PLEKHG4B: variants seen among roughly 807,000 people sequenced by gnomAD.
The protein encoded by PLEKHG4B is pleckstrin homology and RhoGEF domain containing G4B, also known as pleckstrin homology domain-containing family G member 4B.
PLEKHG4B carries 111 observed loss-of-function variants against 121.3 expected under a neutral mutation model. The ratio of observed to expected loss-of-function variants is 0.92; its 90% confidence interval spans 0.78 to 1.07. PLEKHG4B has a LOEUF of 1.07. Ranked by LOEUF, PLEKHG4B falls within the 50% of genes least tolerant of loss-of-function variation. PLEKHG4B has a pLI of 0.00. For missense variants in PLEKHG4B, 1,831 were observed against 1,757.8 expected, an observed-to-expected ratio of 1.04 and a Z score of -0.74; for synonymous variants, 738 against 725.0, an observed-to-expected ratio of 1.02 and a Z score of -0.29.
At chr5:102,227 C>G (rs1248441050) in intron 1 of PLEKHG4B, among the ~76,000 whole-genome samples, 1 of 151,852 alleles carries the variant, frequency 6.6e-6, no homozygotes, top group Non-Finnish European at 1.5e-5. Context: ...TGAGATTAAT[C>G]CATATAAAAC....
rs754308502 is a variant in PLEKHG4B at position 163,197 on chromosome 5, G to A, written c.3125G>A (p.Gly1042Asp). The A allele has an allele frequency of 3.2e-6, 5 of 1,586,830 alleles. No individual in the cohort carries two copies. The highest frequency in any genetic ancestry group is 3.4e-6 in the Non-Finnish European group (4 of 1,167,514). Reference protein sequence around the residue: ...ALWDPLSLLRGLPGAGATTAH... With the variant: ...ALWDPLSLLRDLPGAGATTAH... ...TGGGACCCACTGTCCCTCCTCAGGG[G>A]CCTTCCAGGGGCAGGGGCCACCACG... Residue 1042 changes from glycine to aspartate, a missense_variant, in exon 13 of 20, where the codon GGC becomes GAC. Physicochemically the swap from Gly to Asp is moderately conservative, Grantham distance 94. Transcript: ENST00000637938.
At chr5:130,048 C>G (rs1184246797) in intron 2 of PLEKHG4B, among the ~76,000 whole-genome samples, 1 of 144,126 alleles carries the variant, frequency 6.9e-6, no homozygotes, top group East Asian at 1.9e-4. Flanking sequence ...CCAGATGAGT[C>G]AGAGTGAATA....
intron 2 of PLEKHG4B, among the ~76,000 whole-genome samples, chr5:132,020 CATA>C (rs1297608890): frequency 6.6e-6 from 1 of 152,108 alleles, no homozygotes; most frequent in East Asian, 1.9e-4. Context: ...ACTATCTCAA[CATA>C]ATAAAAGCCA....
chr5:115,964 G>A (rs116006209), intron 2 of PLEKHG4B, among the ~76,000 whole-genome samples: 2,401 of 152,236 alleles, frequency 0.016, 74 homozygotes, highest in African/African-American at 0.055. Context: ...ATTTCCTTCG[G>A]TAGCTTTTCT....
intron 13 of PLEKHG4B, among the ~76,000 whole-genome samples, chr5:166,444 ATGCTCTG>A (rs1736344964): frequency 8.4e-6 from 1 of 119,132 alleles, no homozygotes; most frequent in African/African-American, 3.3e-5. Context: ...GCTCACACTA[ATGCTCTG>A]ACGGGGCGGA....
intron 13 of PLEKHG4B, among the ~76,000 whole-genome samples, 184 bp downstream of exon 13, chr5:163,732 T>C (rs1228462009): frequency 1.3e-5 from 2 of 152,184 alleles, no homozygotes; most frequent in South Asian, 4.2e-4. Context: ...CCTGCCCCCA[T>C]GTCCGGAAGG....
chr5:171,271 G>A lies in PLEKHG4B; in HGVS notation c.3877G>A (p.Val1293Met), dbSNP rs776584923. 14 of 1,611,126 alleles carry A rather than the reference G, an allele frequency of 8.7e-6. No homozygotes were observed. The highest frequency in any genetic ancestry group is 6.7e-5 in the Admixed American group (4 of 59,846). The change falls in exon 16 of 20, where the codon GTG becomes ATG. Residue 1293 changes from valine to methionine, a missense_variant. Coordinates refer to ENST00000637938, the MANE Select transcript of PLEKHG4B (RefSeq NM_052909.5). The stretch of plus-strand genomic sequence containing the variant: ...CCTGGCCTCCTACCTGCTGCGGCCC[G>A]TGCAGCGTGTGGCCAAGTACGCGCT... ...MDLASYLLRP[V>M]QRVAKYALLL...
chr5:154,771 G>A, intron 7 of PLEKHG4B, 104 bp from the exon 8 acceptor site: 1 of 859,586 alleles, frequency 1.2e-6, no homozygotes, highest in Non-Finnish European at 1.9e-6. Context: ...GATACTCCTT[G>A]AGCCAGCCTC....
intron 2 of PLEKHG4B, among the ~76,000 whole-genome samples, chr5:119,247 G>C (rs1040821926): frequency 1.3e-5 from 2 of 152,120 alleles, no homozygotes; most frequent in African/African-American, 2.4e-5. Context: ...AAAGGCCACA[G>C]TGCAATAAAA....
chr5:136,019 G>C (rs1027368607), intron 2 of PLEKHG4B, among the ~76,000 whole-genome samples: 1 of 151,868 alleles, frequency 6.6e-6, no homozygotes, highest in African/African-American at 2.4e-5. Context: ...GAACCCTCAC[G>C]TATATGGCTA....
intron 19 of PLEKHG4B, 49 bp downstream of exon 19, chr5:181,724 C>T: frequency 6.3e-7 from 1 of 1,582,480 alleles, no homozygotes; most frequent in Non-Finnish European, 8.6e-7. Context: ...GGGCACTGGG[C>T]CTGTCATCAA....
chr5:144,469 C>T (rs1735336904), intron 5 of PLEKHG4B, among the ~76,000 whole-genome samples: 1 of 152,302 alleles, frequency 6.6e-6, no homozygotes. Flanking sequence ...TCTGTGCTTA[C>T]GTTAAAGCCC....
In PLEKHG4B at chr5:188,721, C is replaced by T. The variant is rs1733699968; in HGVS notation, c.*6398C>T. On this transcript the variant is annotated 3_prime_UTR_variant, in exon 20 of 20. Coordinates refer to ENST00000637938, the MANE Select transcript of PLEKHG4B (RefSeq NM_052909.5). The stretch of plus-strand genomic sequence containing the variant: ...GCCGCCGAGTCCACGCCCCGTCTGG[C>T]TGGGACCTGGAGCTCCCCTCAAGCT... 1 of 152,274 alleles carries T rather than the reference C, an allele frequency of 6.6e-6. No homozygotes were observed. The highest frequency in any genetic ancestry group is 2.4e-5 in the African/African-American group (1 of 41,466). 9.4% of individuals were successfully genotyped at this position (152,274 alleles called of 1,614,324 possible).
chr5:179,321 T>C (rs778384958), intron 18 of PLEKHG4B, among the ~76,000 whole-genome samples: 1 of 152,206 alleles, frequency 6.6e-6, no homozygotes, highest in Non-Finnish European at 1.5e-5. Context: ...GTTTTCTACC[T>C]ATTTGGTGAG....
chr5:171,338 C>T lies in PLEKHG4B; in HGVS notation c.3944C>T (p.Ala1315Val). 6.2e-7 allele frequency: 1 copy of T among 1,612,464 alleles called. No homozygotes were observed. The highest frequency in any genetic ancestry group is 1.1e-5 in the South Asian group (1 of 91,044). The change falls in exon 16 of 20, where the codon GCC becomes GTC. Residue 1315 changes from alanine (A) to valine (V), a missense_variant. Ala to Val is a moderately conservative substitution (Grantham distance 64). Coordinates refer to ENST00000637938, the MANE Select transcript of PLEKHG4B (RefSeq NM_052909.5). Reference sequence around the variant, plus strand: ...CTCAAGGAGGCCAGCTGTGGCCTGGCCCAGGGGCAGGAGCTGGGCGAGCTC... The same window carrying T: ...CTCAAGGAGGCCAGCTGTGGCCTGGTCCAGGGGCAGGAGCTGGGCGAGCTC... The part of the protein sequence containing the change: ...DLLKEASCGL[A>V]QGQELGELRA...
intron 4 of PLEKHG4B, 56 bp downstream of exon 4, chr5:143,312 G>A: frequency 3.1e-6 from 5 of 1,607,432 alleles, no homozygotes; most frequent in Non-Finnish European, 4.2e-6. Context: ...TAAGCCGACA[G>A]CACAGACCCA....
At chr5:119,662 G>C (rs1012032149) in intron 2 of PLEKHG4B, among the ~76,000 whole-genome samples, 1 of 152,212 alleles carries the variant, frequency 6.6e-6, no homozygotes. Flanking sequence ...TGGAGAGACA[G>C]TGCCGTCCTA....
intron 6 of PLEKHG4B, among the ~76,000 whole-genome samples, chr5:146,186 C>A (rs1458277945): frequency 2.7e-5 from 4 of 146,572 alleles, no homozygotes; most frequent in African/African-American, 1.0e-4. Flanking sequence ...CCTCCTCTTC[C>A]TTTCCATGGT....
rs1217482840 is a variant in PLEKHG4B at position 171,330 on chromosome 5, T to C, written c.3936T>C (p.Cys1312=). The change falls in exon 16 of 20, where the codon TGT becomes TGC. Residue 1312 remains cysteine, a synonymous_variant. Transcript: ENST00000637938. ...AGGACCTGCTCAAGGAGGCCAGCTGTGGCCTGGCCCAGGGGCAGGAGCTGG... is the reference window on the plus strand; with the variant it reads ...AGGACCTGCTCAAGGAGGCCAGCTGCGGCCTGGCCCAGGGGCAGGAGCTGG... ...LLQDLLKEAS[C]GLAQGQELGE... 1 of 1,612,544 alleles carries C rather than the reference T, an allele frequency of 6.2e-7. No individual in the cohort carries two copies.
Sources: gnomAD v4.1 joint callset for allele counts (sites outside exome capture counted in the v4.1 genomes callset) on GRCh38, gnomAD v4.1.1 for gene constraint, MANE v1.5 for transcripts, NCBI Gene and HGNC (gene_info 2026-07-23, HGNC 2026-07-21) for gene names.